The following FSTL4 variants were observed in gnomAD, a reference collection of about 807,000 sequenced individuals.
The protein encoded by FSTL4 is follistatin-related protein 4.
FSTL4 carries 28 observed loss-of-function variants against 78.2 expected under a neutral mutation model. The ratio of observed to expected loss-of-function variants is 0.36; its 90% CI spans 0.27 to 0.49. FSTL4 has a LOEUF of 0.49. FSTL4 is among the 20% of genes least tolerant of loss of function. The probability of loss-of-function intolerance (pLI) is 0.98; values close to 1 mark genes in which losing one functional copy is unlikely to be tolerated. For missense variants in FSTL4, 922 were observed against 1,084.9 expected, an observed-to-expected ratio of 0.85 and a Z score of 2.11; for synonymous variants, 422 against 440.5, an observed-to-expected ratio of 0.96 and a Z score of 0.53.
At chr5:133,668,307 T>C in the FSTL4 span, among the ~76,000 whole-genome samples, 1 of 152,106 alleles carries the variant, frequency 6.6e-6, no homozygotes, top group Admixed American at 6.6e-5. Flanking sequence ...GTATGGGTGA[T>C]TTAGAAGAAA....
chr5:133,762,510 T>C, the FSTL4 span, among the ~76,000 whole-genome samples: 8 of 152,210 alleles, frequency 5.3e-5, no homozygotes, highest in Admixed American at 3.9e-4. Context: ...GCCCTGTATA[T>C]CAGTTGGAAA....
At chr5:133,753,681 TTC>T in the FSTL4 span, among the ~76,000 whole-genome samples, 1 of 82,832 alleles carries the variant, frequency 1.2e-5, no homozygotes, top group East Asian at 4.0e-4. Flanking sequence ...TCCACATTTG[TTC>T]TGTGTGTGTG....
chr5:133,228,943 A>C (rs554354965), intron 8 of FSTL4, among the ~76,000 whole-genome samples: 45 of 152,334 alleles, frequency 3.0e-4, no homozygotes, highest in South Asian at 2.1e-3. Context: ...GAGAAAAATC[A>C]TATGTAGTTA....
the FSTL4 span, among the ~76,000 whole-genome samples, chr5:133,804,869 G>A: frequency 8.6e-5 from 13 of 151,356 alleles, no homozygotes; most frequent in Non-Finnish European, 1.5e-4. Context: ...GCATGAACCC[G>A]GAAGGCGGAG....
At chr5:133,271,293 A>C (rs1271207662) in intron 6 of FSTL4, among the ~76,000 whole-genome samples, 1 of 152,198 alleles carries the variant, frequency 6.6e-6, no homozygotes, top group Non-Finnish European at 1.5e-5. Context: ...CATCGGCTTA[A>C]TGGAATTCCA....
chr5:133,646,485 G>A, the FSTL4 span, among the ~76,000 whole-genome samples: 40 of 152,082 alleles, frequency 2.6e-4, no homozygotes, highest in African/African-American at 8.4e-4. Flanking sequence ...ATGGAATGCC[G>A]TGAGCTAATT....
chr5:133,646,363 G>C, the FSTL4 span, among the ~76,000 whole-genome samples: 2 of 152,292 alleles, frequency 1.3e-5, no homozygotes, highest in Non-Finnish European at 1.5e-5. Flanking sequence ...GTCTAGTATA[G>C]TTGGAATGAG....
In FSTL4 at chr5:133,343,236, G is replaced by A. The variant is rs1484752877; in HGVS notation, c.410-26584C>T. Among the ~76,000 whole-genome samples the A allele has an allele frequency of 3.3e-5, 5 of 152,228 alleles. No individual in the cohort carries two copies. In the South Asian group the frequency reaches 6.2e-4, roughly 19 times the overall value. Reference sequence around the variant, plus strand: ...AGAGAGAAAGTTCTGAGTCCTCTGTGAGGAGGACAGAGGGAGGGTTGACGC... The same window carrying A: ...AGAGAGAAAGTTCTGAGTCCTCTGTAAGGAGGACAGAGGGAGGGTTGACGC... On this transcript the variant is annotated intron_variant, in intron 4 of 15. Transcript: ENST00000265342.
At chr5:133,336,913 C>T (rs961514292) in intron 4 of FSTL4, among the ~76,000 whole-genome samples, 1 of 152,194 alleles carries the variant, frequency 6.6e-6, no homozygotes, top group African/African-American at 2.4e-5. Flanking sequence ...GCTGTGTCCA[C>T]CCCTTCCCAG....
chr5:133,319,256 G>C (rs987448839), intron 4 of FSTL4, among the ~76,000 whole-genome samples: 1 of 152,208 alleles, frequency 6.6e-6, no homozygotes, highest in African/African-American at 2.4e-5. Flanking sequence ...GGGGAAAGGG[G>C]TGGGCCCTCC....
chr5:133,347,531 T>C (rs764522781), intron 4 of FSTL4, among the ~76,000 whole-genome samples: 1 of 151,928 alleles, frequency 6.6e-6, no homozygotes, highest in East Asian at 1.9e-4. Flanking sequence ...ATTTTTAGTA[T>C]AGATAGGGTT....
At chr5:133,573,041 G>A (rs547633444) in intron 2 of FSTL4, among the ~76,000 whole-genome samples, 1 of 151,996 alleles carries the variant, frequency 6.6e-6, no homozygotes, top group Admixed American at 6.5e-5. Context: ...TCAGGAGATC[G>A]AGACCATCCT....
At chr5:133,449,505 C>A (rs1407853392) in intron 3 of FSTL4, among the ~76,000 whole-genome samples, 1 of 152,170 alleles carries the variant, frequency 6.6e-6, no homozygotes, top group African/African-American at 2.4e-5. Context: ...GGGGTTGGGG[C>A]CTGGAGACAA....
intron 4 of FSTL4, among the ~76,000 whole-genome samples, chr5:133,393,914 T>C (rs1360779085): frequency 6.6e-6 from 1 of 152,256 alleles, no homozygotes; most frequent in Non-Finnish European, 1.5e-5. Flanking sequence ...CCCTTTCCAC[T>C]GCCCATGGCT....
chr5:133,814,963 C>T, the FSTL4 span, among the ~76,000 whole-genome samples: 1 of 152,152 alleles, frequency 6.6e-6, no homozygotes. Flanking sequence ...GTTCCAGGGG[C>T]TTCTCAAATC....
At chr5:133,794,091 A>G in the FSTL4 span, among the ~76,000 whole-genome samples, 2 of 152,176 alleles carry the variant, frequency 1.3e-5, no homozygotes, top group Admixed American at 1.3e-4. Flanking sequence ...GCCCTTGAAC[A>G]TGGGGCTGCA....
chr5:133,540,443 G>A (rs1398928138), intron 3 of FSTL4, among the ~76,000 whole-genome samples: 2 of 152,074 alleles, frequency 1.3e-5, no homozygotes, highest in Non-Finnish European at 2.9e-5. Context: ...CAGCAGCAAG[G>A]CACACCTTAA....
At chr5:133,818,931 CTATATA>C in the FSTL4 span, among the ~76,000 whole-genome samples, 1 of 61,756 alleles carries the variant, frequency 1.6e-5, no homozygotes, top group South Asian at 8.4e-4. Flanking sequence ...TTAGAAGATA[CTATATA>C]TATATATATG....
At chr5:133,582,476 T>A (rs541014335) in intron 2 of FSTL4, among the ~76,000 whole-genome samples, 13 of 152,302 alleles carry the variant, frequency 8.5e-5, no homozygotes, top group Non-Finnish European at 1.8e-4. Flanking sequence ...GCATCCTGGT[T>A]GTGCCCCCAG....
Sources: gnomAD v4.1 joint callset for allele counts (sites outside exome capture counted in the v4.1 genomes callset) on GRCh38, gnomAD v4.1.1 for gene constraint, MANE v1.5 for transcripts, NCBI Gene and HGNC (gene_info 2026-07-23, HGNC 2026-07-21) for gene names.